Variants in COX7B2 observed in about 807,000 individuals in gnomAD.
The protein encoded by COX7B2 is cytochrome c oxidase subunit 7B2, also known as cytochrome c oxidase subunit 7B2, mitochondrial.
For missense variants in COX7B2, 109 were observed against 95.9 expected (o/e 1.14, Z -0.57); for synonymous variants, 37 against 32.1 (o/e 1.15, Z -0.51).
At chr4:46,743,576 G>C (rs1714839104) in intron 2 of COX7B2, among the ~76,000 whole-genome samples, 1 of 152,132 alleles carries the variant, frequency 6.6e-6, no homozygotes, top group Non-Finnish European at 1.5e-5. Flanking sequence ...AGTTCTCTTT[G>C]ATGTTATATT....
intron 2 of COX7B2, among the ~76,000 whole-genome samples, chr4:46,816,745 A>G (rs532385361): frequency 1.6e-4 from 25 of 152,346 alleles, no homozygotes; most frequent in African/African-American, 6.0e-4. Flanking sequence ...GAAGCAGAAT[A>G]TAACTTCTCA....
chr4:46,809,875 A>T (rs917954154), intron 2 of COX7B2, among the ~76,000 whole-genome samples: 8 of 151,848 alleles, frequency 5.3e-5, no homozygotes, highest in African/African-American at 1.9e-4. Flanking sequence ...TTGTACTACT[A>T]TCTATTTCTC....
intron 1 of COX7B2, among the ~76,000 whole-genome samples, chr4:46,905,924 G>A (rs1470878257): frequency 2.8e-5 from 4 of 143,386 alleles, no homozygotes; most frequent in African/African-American, 1.0e-4. Context: ...CCGCTTCCCG[G>A]GTTCACGCCA....
chr4:46,788,833 C>T (rs1180204188), intron 2 of COX7B2, among the ~76,000 whole-genome samples: 2 of 152,020 alleles, frequency 1.3e-5, no homozygotes, highest in Non-Finnish European at 2.9e-5. Flanking sequence ...TGATGGAACC[C>T]ATAAACTTAT....
chr4:46,824,921 C>T (rs1273687876), intron 2 of COX7B2, among the ~76,000 whole-genome samples: 1 of 151,964 alleles, frequency 6.6e-6, no homozygotes, highest in Non-Finnish European at 1.5e-5. Context: ...CCACAACCAA[C>T]GTTATATTGA....
chr4:46,819,340 C>T (rs930909788), intron 2 of COX7B2, among the ~76,000 whole-genome samples: 8 of 152,020 alleles, frequency 5.3e-5, no homozygotes, highest in Admixed American at 3.3e-4. Context: ...GGAGGCAGAG[C>T]GGCAAACTAA....
intron 1 of COX7B2, chr4:46,876,790 A>C (rs1349065233): frequency 2.0e-5 from 3 of 152,238 alleles, no homozygotes; most frequent in Non-Finnish European, 2.9e-5. Context: ...AAGATGAGAG[A>C]ATTAAAAGAT....
At chr4:46,849,638 A>G (rs770403666) in intron 1 of COX7B2, among the ~76,000 whole-genome samples, 15 of 152,142 alleles carry the variant, frequency 9.9e-5, no homozygotes, top group Non-Finnish European at 1.9e-4. Flanking sequence ...AAGGTATTAC[A>G]TAATGTTTAA....
chr4:46,880,594 A>G (rs1432140838), intron 1 of COX7B2, among the ~76,000 whole-genome samples: 1 of 151,694 alleles, frequency 6.6e-6, no homozygotes, highest in Non-Finnish European at 1.5e-5. Context: ...TGTTCGTAGT[A>G]GTTTCTGATG....
intron 1 of COX7B2, among the ~76,000 whole-genome samples, chr4:46,883,757 A>C (rs527297460): frequency 6.7e-6 from 1 of 149,660 alleles, no homozygotes; most frequent in Non-Finnish European, 1.5e-5. Context: ...GAGATCTTCT[A>C]TTAATCAGAA....
intron 2 of COX7B2, among the ~76,000 whole-genome samples, chr4:46,841,197 G>C (rs575336214): frequency 8.6e-4 from 131 of 152,032 alleles, no homozygotes; most frequent in African/African-American, 2.9e-3. Flanking sequence ...TAATTGATTA[G>C]AGAGGAGTAA....
chr4:46,760,823 CAATT>C (rs1476325281), intron 2 of COX7B2, among the ~76,000 whole-genome samples: 6 of 152,020 alleles, frequency 3.9e-5, no homozygotes, highest in Admixed American at 1.3e-4. Flanking sequence ...GCTAAAGAAA[CAATT>C]AATGAACAAG....
At chr4:46,898,464 C>A (rs759434668) in intron 1 of COX7B2, among the ~76,000 whole-genome samples, 2 of 152,182 alleles carry the variant, frequency 1.3e-5, no homozygotes, top group Admixed American at 6.5e-5. Context: ...GTCACCCAGT[C>A]TGGAGTGCAG....
Position 46,783,484 on chromosome 4 carries a change from C to T in COX7B2, c.-49-48243G>A, listed in dbSNP as rs537001309. On this transcript the variant is annotated intron_variant, in intron 2 of 2. Transcript: ENST00000355591. ...AAGTGAGAAATCCACATTATTAATA[C>T]ATGTATTACACTTCCATACTTGCCC... Among the ~76,000 whole-genome samples, 40 of 152,284 alleles carry T rather than the reference C, an allele frequency of 2.6e-4. 1 individual carries two copies. The highest frequency in any genetic ancestry group is 2.2e-3 in the Admixed American group (33 of 15,298).
intron 1 of COX7B2, among the ~76,000 whole-genome samples, chr4:46,863,236 T>C (rs964239365): frequency 3.9e-5 from 6 of 152,294 alleles, no homozygotes; most frequent in Admixed American, 3.3e-4. Context: ...GATATACATA[T>C]GTATTTTTGG....
At chr4:46,856,982 T>G (rs1717043473) in intron 1 of COX7B2, among the ~76,000 whole-genome samples, 1 of 152,178 alleles carries the variant, frequency 6.6e-6, no homozygotes, top group African/African-American at 2.4e-5. Context: ...AGGCAGAAAC[T>G]TTTAACTTTA....
intron 2 of COX7B2, among the ~76,000 whole-genome samples, chr4:46,745,286 A>G (rs1017296540): frequency 3.9e-5 from 6 of 152,130 alleles, no homozygotes; most frequent in African/African-American, 1.4e-4. Context: ...ATACCTGTTA[A>G]TTAATCTTTT....
At chr4:46,882,549 CCTTT>C (rs1035129056) in intron 1 of COX7B2, among the ~76,000 whole-genome samples, 44 of 152,174 alleles carry the variant, frequency 2.9e-4, no homozygotes, top group Non-Finnish European at 1.9e-4. Flanking sequence ...TTATGTAATG[CCTTT>C]CTTTGTCTTT....
intron 2 of COX7B2, among the ~76,000 whole-genome samples, chr4:46,836,385 A>C (rs1158361663): frequency 6.6e-6 from 1 of 151,930 alleles, no homozygotes; most frequent in East Asian, 1.9e-4. Context: ...AAGTAGTTAA[A>C]ATCTAAAATG....
Sources: allele counts gnomAD v4.1 joint callset (sites outside exome capture counted in the v4.1 genomes callset), GRCh38; gene constraint gnomAD v4.1.1; transcripts MANE v1.5; gene names NCBI Gene and HGNC (gene_info 2026-07-23, HGNC 2026-07-21).